GPHN: variants seen among roughly 807,000 people sequenced by gnomAD.
GPHN encodes gephyrin.
Under a neutral mutation model 95.5 loss-of-function variants are expected in GPHN, and 17 were observed. That is an observed-to-expected ratio of 0.18 (90% CI 0.12 to 0.27). The LOEUF (loss-of-function observed/expected upper bound fraction) is 0.27. Among genes scored for constraint, GPHN ranks in the 10% least tolerant of loss-of-function variants. The probability of loss-of-function intolerance (pLI) is 1.00; values close to 1 mark genes in which losing one functional copy is unlikely to be tolerated. For synonymous variants in GPHN, 320 were observed against 322.5 expected (o/e 0.99, Z 0.08); for missense variants, 660 against 978.1 (o/e 0.67, Z 4.34).
the GPHN span, among the ~76,000 whole-genome samples, chr14:67,266,742 T>C: frequency 5.3e-5 from 8 of 152,282 alleles, no homozygotes; most frequent in Middle Eastern, 3.4e-3. Context: ...TACACAGTTA[T>C]CAAGTAAATA....
chr14:67,022,571 GTGTGT>G (rs2073706085), intron 9 of GPHN, among the ~76,000 whole-genome samples: 1 of 80,546 alleles, frequency 1.2e-5, no homozygotes, highest in Non-Finnish European at 2.4e-5. Flanking sequence ...TTTTTTTGGT[GTGTGT>G]GTGTGTGTGT....
At chr14:67,002,053 C>T (rs1162993053) in intron 9 of GPHN, among the ~76,000 whole-genome samples, 1 of 151,630 alleles carries the variant, frequency 6.6e-6, no homozygotes, top group Non-Finnish European at 1.5e-5. Flanking sequence ...CAGTGTTCTT[C>T]AGCTAAGCCA....
the GPHN span, among the ~76,000 whole-genome samples, chr14:67,632,778 T>G: frequency 9.4e-4 from 143 of 151,892 alleles, 1 homozygote; most frequent in Non-Finnish European, 1.7e-3. Context: ...TCTCTTTCTT[T>G]ATTTTCAACA....
the GPHN span, chr14:67,650,847 A>G: frequency 1.9e-6 from 3 of 1,614,060 alleles, no homozygotes; most frequent in Non-Finnish European, 2.5e-6. Flanking sequence ...GAAGGAGGGC[A>G]TATTGTCTAT....
intron 7 of GPHN, 96 bp from the exon 8 acceptor site, chr14:66,924,098 A>G (rs763852646): frequency 2.0e-5 from 15 of 739,760 alleles, no homozygotes; most frequent in Non-Finnish European, 3.7e-5. Context: ...TCATTTTTCC[A>G]TTTGTTTTTA....
At chr14:66,601,086 A>G (rs1340848981) in intron 1 of GPHN, among the ~76,000 whole-genome samples, 1 of 152,058 alleles carries the variant, frequency 6.6e-6, no homozygotes, top group Non-Finnish European at 1.5e-5. Context: ...TAAAGAGGTT[A>G]AGTTCCTTGT....
At chr14:67,317,601 T>C in the GPHN span, 1 of 609,036 alleles carries the variant, frequency 1.6e-6, no homozygotes, top group South Asian at 2.5e-5. Context: ...GTATTTTCTT[T>C]TGGAATCCTG....
the GPHN span, among the ~76,000 whole-genome samples, chr14:67,540,312 A>G: frequency 0.012 from 1,888 of 152,268 alleles, 43 homozygotes; most frequent in African/African-American, 0.044. Context: ...TATCATAAAA[A>G]TTTTTAACAG....
At chr14:67,475,680 A>C in the GPHN span, among the ~76,000 whole-genome samples, 1 of 152,142 alleles carries the variant, frequency 6.6e-6, no homozygotes, top group East Asian at 1.9e-4. Flanking sequence ...CTGAGGGGAA[A>C]CCAATGGATT....
chr14:67,608,677 T>C, the GPHN span, among the ~76,000 whole-genome samples: 1 of 152,188 alleles, frequency 6.6e-6, no homozygotes, highest in African/African-American at 2.4e-5. Flanking sequence ...CCAGGAAACC[T>C]CAGAAATTTA....
chr14:67,575,996 G>C, the GPHN span: 1 of 1,610,884 alleles, frequency 6.2e-7, no homozygotes, highest in Non-Finnish European at 8.5e-7. Context: ...TTGGCACCAA[G>C]CATGAAAAGG....
At chr14:67,198,926 A>C in the GPHN span, 1 of 699,220 alleles carries the variant, frequency 1.4e-6, no homozygotes, top group Non-Finnish European at 2.6e-6. Flanking sequence ...AACAAAGTCT[A>C]ACACTAAACA....
intron 11 of GPHN, among the ~76,000 whole-genome samples, chr14:67,062,979 T>C (rs2075887033): frequency 6.6e-6 from 1 of 152,224 alleles, no homozygotes; most frequent in Non-Finnish European, 1.5e-5. Context: ...TGTGCTTTAG[T>C]CATGAAGTCC....
chr14:66,800,054 A>G (rs183350855), intron 3 of GPHN, among the ~76,000 whole-genome samples: 177 of 152,214 alleles, frequency 1.2e-3, no homozygotes, highest in Non-Finnish European at 2.0e-3. Context: ...CACTTTTTGC[A>G]TAAACAAACA....
chr14:67,428,332 G>A, the GPHN span, among the ~76,000 whole-genome samples: 1 of 152,140 alleles, frequency 6.6e-6, no homozygotes, highest in African/African-American at 2.4e-5. Flanking sequence ...ATGCAAGGAC[G>A]CCCTCGGTGC....
the GPHN span, chr14:67,620,044 G>T: frequency 2.5e-6 from 4 of 1,611,802 alleles, no homozygotes; most frequent in South Asian, 1.1e-5. Flanking sequence ...GAAGAAATCC[G>T]TCCACTCCGT....
At chr14:67,387,002 A>T in the GPHN span, 1 of 185,284 alleles carries the variant, frequency 5.4e-6, no homozygotes, top group East Asian at 1.6e-4. Context: ...AGAGAGTTTT[A>T]TTCAACATTA....
chr14:66,929,054 C>CTT (rs147521541), intron 8 of GPHN, among the ~76,000 whole-genome samples: 1 of 122,778 alleles, frequency 8.1e-6, no homozygotes, highest in Non-Finnish European at 1.8e-5. Context: ...TCCAATGTTT[C>CTT]TTTTTTTTTT....
chr14:67,341,602 A>T, the GPHN span, among the ~76,000 whole-genome samples: 1 of 149,848 alleles, frequency 6.7e-6, no homozygotes, highest in East Asian at 2.0e-4. Flanking sequence ...CCTGTCCGGG[A>T]GGTGAGGGGC....
Sources: allele counts gnomAD v4.1 joint callset (sites outside exome capture counted in the v4.1 genomes callset), GRCh38; gene constraint gnomAD v4.1.1; transcripts MANE v1.5; gene names NCBI Gene and HGNC (gene_info 2026-07-23, HGNC 2026-07-21).